The following UNC80 variants were observed in gnomAD, a reference collection of about 807,000 sequenced individuals.
UNC80 encodes protein unc-80 homolog.
UNC80 carries 164 observed loss-of-function variants against 384.6 expected under a neutral mutation model. The ratio of observed to expected loss-of-function variants is 0.43; its 90% CI spans 0.38 to 0.49. UNC80 has a LOEUF of 0.49. Ranked by LOEUF, UNC80 falls within the 20% of genes least tolerant of loss-of-function variation. UNC80 has a pLI of 0.00. For missense variants in UNC80, 3,330 were observed against 4,143.0 expected, an observed-to-expected ratio of 0.80 and a Z score of 5.39; for synonymous variants, 1,486 against 1,527.8, an observed-to-expected ratio of 0.97 and a Z score of 0.64.
chr2:209,877,912 G>T, intron 23 of UNC80, 42 bp from the exon 24 acceptor site: 3 of 1,472,714 alleles, frequency 2.0e-6, no homozygotes, highest in East Asian at 2.6e-5. Context: ...TTTAGAGTTT[G>T]ACTTAGTTTG....
intron 28 of UNC80, among the ~76,000 whole-genome samples, chr2:209,900,755 T>G (rs2087305730): frequency 6.6e-6 from 1 of 152,198 alleles, no homozygotes; most frequent in Non-Finnish European, 1.5e-5. Context: ...AAGGAAAAGT[T>G]CTTGAAGGAA....
chr2:209,789,775 T>TA (rs1288968902), intron 6 of UNC80, among the ~76,000 whole-genome samples, 170 bp downstream of exon 6: 1 of 152,072 alleles, frequency 6.6e-6, no homozygotes, highest in Non-Finnish European at 1.5e-5. Flanking sequence ...GTATGAAAAT[T>TA]AATTTTCTGT....
At chr2:209,883,592 A>G (rs559673342) in intron 25 of UNC80, among the ~76,000 whole-genome samples, 5 of 151,702 alleles carry the variant, frequency 3.3e-5, no homozygotes, top group Non-Finnish European at 7.4e-5. Flanking sequence ...CACCATGCCC[A>G]GCTAATTTTT....
At chr2:209,970,778 G>T (rs1454461282) in intron 53 of UNC80, 54 bp from the exon 54 acceptor site, 2 of 1,527,904 alleles carry the variant, frequency 1.3e-6, no homozygotes, top group Admixed American at 4.2e-5. Context: ...CTTTACTACG[G>T]TTGCATGAAA....
At position 209,976,133 on chromosome 2, in the gene UNC80, C is replaced by T. The variant is rs1227642683; in HGVS notation, c.8602C>T (p.Leu2868Phe). 1.3e-6 allele frequency: 2 copies of T among 1,551,292 alleles called. No homozygotes were observed. The highest frequency in any genetic ancestry group is 2.4e-5 in the East Asian group (1 of 40,900). The change falls in exon 57 of 65, where the codon CTC becomes TTC. Residue 2868 changes from leucine (L) to phenylalanine (F), a missense_variant. Transcript: ENST00000673920. This position sits in a 1 kb window ranked among gnomAD's most constrained non-coding sequence, Gnocchi z 4.3. Reference protein sequence around the residue: ...QAAYLALKVILVCFERQLGSQ... With the variant: ...QAAYLALKVIFVCFERQLGSQ... ...CCGGTGTGAAGCGCTGAAGGTGATT[C>T]TCGTCTGCTTTGAGAGGCAGCTCGG...
Position 209,941,370 on chromosome 2 carries a change from C to T in UNC80, c.6796C>T (p.His2266Tyr), listed in dbSNP as rs1450072459. 1 of 1,551,358 alleles carries T rather than the reference C, an allele frequency of 6.4e-7. No homozygotes were observed. The highest frequency in any genetic ancestry group is 2.0e-5 in the Admixed American group (1 of 50,992). The change falls in exon 44 of 65, where the codon CAC (histidine) becomes TAC (tyrosine). Residue 2266 changes from histidine to tyrosine, a missense_variant. By Grantham distance (83) the His-to-Tyr change is moderately conservative. Transcript: ENST00000673920. ...LNVFNGALIL[H>Y]PEDSALLRQY... Reference sequence around the variant, plus strand: ...CGTTTTTAACGGGGCTCTGATCCTCCACCCGGAAGACAGTGCCCTGCTCAG... The same window carrying T: ...CGTTTTTAACGGGGCTCTGATCCTCTACCCGGAAGACAGTGCCCTGCTCAG...
chr2:209,959,866 C>T (rs1005481609), intron 51 of UNC80, among the ~76,000 whole-genome samples, 159 bp downstream of exon 51: 2 of 152,090 alleles, frequency 1.3e-5, no homozygotes, highest in African/African-American at 2.4e-5. Flanking sequence ...GAACCCTCTG[C>T]TAAAGTGTGC....
At chr2:209,815,449 C>CTGATGATGTTTCTGATG in intron 9 of UNC80, 58 bp downstream of exon 9, 1 of 1,517,218 alleles carries the variant, frequency 6.6e-7, no homozygotes. Flanking sequence ...GTCAGTGGGA[C>CTGATGATGTTTCTGATG]ATGAGATGTT....
Position 209,997,315 on chromosome 2 carries a change from T to G in UNC80, c.*1720T>G. On this transcript the variant is annotated 3_prime_UTR_variant, in exon 65 of 65. Coordinates refer to ENST00000673920, the MANE Select transcript of UNC80 (RefSeq NM_001371986.1). ...TTTACAGTTAATGCTGAAATAATTC[T>G]CAAGTGCAGGAATATAAATGTTAAG... 2 of 152,340 alleles carry G rather than the reference T, an allele frequency of 1.3e-5. No individual in the cohort carries two copies. Among genetic ancestry groups the G allele is most frequent in the South Asian group, 4.1e-4 (2 of 4,832 alleles). The allele number at this position is 152,340 out of a possible 1,614,324, so 9.4% of individuals were successfully genotyped here.
rs2076594435 is a variant in UNC80, at chr2:209,771,916, G to A, written c.-157G>A. On this transcript the variant is annotated 5_prime_UTR_variant, in exon 1 of 65. Transcript: ENST00000673920. ...CATGTTCCACGCGCGGGGAGGGGTG[G>A]GGGGAGGGGAGAGGCACGGGGGATC... 2 of 632,380 alleles carry A rather than the reference G, an allele frequency of 3.2e-6. No individual in the cohort carries two copies. The highest frequency in any genetic ancestry group is 5.9e-6 in the Non-Finnish European group (2 of 338,322). 39.2% of individuals were successfully genotyped at this position (632,380 alleles called of 1,614,324 possible).
At chr2:209,979,753 A>G (rs1405665303) in intron 59 of UNC80, among the ~76,000 whole-genome samples, 1 of 152,228 alleles carries the variant, frequency 6.6e-6, no homozygotes, top group African/African-American at 2.4e-5. Flanking sequence ...ATACTCTGAT[A>G]TAACGTTTAT....
Position 209,947,142 on chromosome 2 carries a change from A to G in UNC80, c.7286+1199A>G, listed in dbSNP as rs189501143. ...CTCCCATTTTCTTGCTGTTCCTATA[A>G]TACCACTGATCTACAAAAAGTTCCA... is the stretch of plus-strand genomic sequence containing the variant. On this transcript the variant is annotated intron_variant, in intron 47 of 64. Coordinates refer to ENST00000673920, the MANE Select transcript of UNC80 (RefSeq NM_001371986.1). Among the ~76,000 whole-genome samples the G allele has an allele frequency of 2.6e-4, 40 of 152,226 alleles. No homozygotes were observed. In the East Asian group the frequency reaches 7.5e-3, roughly 29 times the overall value.
At chr2:209,943,095 G>T (rs1050429466) in intron 44 of UNC80, among the ~76,000 whole-genome samples, 1 of 152,120 alleles carries the variant, frequency 6.6e-6, no homozygotes, top group African/African-American at 2.4e-5. Flanking sequence ...CAGTCTTGCA[G>T]CAGGCCTTCT....
At chr2:209,972,725 C>T (rs944868894) in intron 55 of UNC80, among the ~76,000 whole-genome samples, 1 of 152,170 alleles carries the variant, frequency 6.6e-6, no homozygotes, top group Non-Finnish European at 1.5e-5. Flanking sequence ...TTTCATTACT[C>T]TTTCTTCTTA....
chr2:209,783,037 G>A (rs1316508991), intron 4 of UNC80, among the ~76,000 whole-genome samples: 4 of 151,856 alleles, frequency 2.6e-5, no homozygotes, highest in African/African-American at 9.7e-5. Flanking sequence ...ATCCATATGT[G>A]TAAAGTAAAC....
intron 7 of UNC80, among the ~76,000 whole-genome samples, chr2:209,797,180 C>A (rs2078215471): frequency 2.0e-5 from 3 of 151,978 alleles, no homozygotes; most frequent in Non-Finnish European, 4.4e-5. Context: ...AAACAATATT[C>A]TTTTTTTTCC....
At chr2:209,918,410 C>A in intron 32 of UNC80, 122 bp from the exon 33 acceptor site, 1 of 1,169,784 alleles carries the variant, frequency 8.5e-7, no homozygotes, top group Non-Finnish European at 1.2e-6. Flanking sequence ...AATTCTTGTT[C>A]ATTCTGTGTG....
intron 22 of UNC80, among the ~76,000 whole-genome samples, chr2:209,856,886 C>T (rs1044119032): frequency 7.9e-5 from 12 of 151,968 alleles, no homozygotes; most frequent in African/African-American, 2.7e-4. Flanking sequence ...CTCCCAGGTT[C>T]GAGTAATTCT....
At chr2:209,932,555 C>T (rs1351984914) in intron 38 of UNC80, among the ~76,000 whole-genome samples, 1 of 152,192 alleles carries the variant, frequency 6.6e-6, no homozygotes, top group Non-Finnish European at 1.5e-5. Flanking sequence ...CTTGCCCAGA[C>T]CATTGCTCTC....
Sources: gnomAD v4.1 joint callset for allele counts (sites outside exome capture counted in the v4.1 genomes callset) on GRCh38, gnomAD v4.1.1 for gene constraint, Gnocchi (gnomAD v3.1) non-coding constraint, MANE v1.5 for transcripts, NCBI Gene and HGNC (gene_info 2026-07-23, HGNC 2026-07-21) for gene names.